Variants in HAS3 observed in about 807,000 individuals in gnomAD.
HAS3 encodes HA synthase 3.
A neutral mutation model predicts 50.3 loss-of-function variants in HAS3; 27 were observed. The observed-to-expected ratio is 0.54, with a 90% confidence interval of 0.40 to 0.74. The LOEUF is 0.74. HAS3 is among the 30% of genes least tolerant of loss of function. The probability of loss-of-function intolerance (pLI) is 0.00; values close to 1 mark genes in which losing one functional copy is unlikely to be tolerated. For synonymous variants in HAS3, 339 were observed against 310.9 expected, an observed-to-expected ratio of 1.09 and a Z score of -0.95; for missense variants, 517 against 742.8, an observed-to-expected ratio of 0.70 and a Z score of 3.53.
the HAS3 span, among the ~76,000 whole-genome samples, chr16:69,086,021 C>T: frequency 6.7e-6 from 1 of 149,574 alleles, no homozygotes; most frequent in African/African-American, 2.5e-5. Context: ...GTGTGCACCA[C>T]CATGCCTGGC....
chr16:69,087,656 C>T, the HAS3 span, among the ~76,000 whole-genome samples: 18 of 150,698 alleles, frequency 1.2e-4, no homozygotes, highest in Admixed American at 1.1e-3. Context: ...CCTTGGCCTC[C>T]CAAAGTGCTG....
At chr16:69,097,311 C>T in the HAS3 span, among the ~76,000 whole-genome samples, 1 of 151,874 alleles carries the variant, frequency 6.6e-6, no homozygotes, top group East Asian at 1.9e-4. Flanking sequence ...CCCGTCTCTA[C>T]TAAAAATACA....
At chr16:69,104,459 G>A (rs1303331574), upstream of HAS3, among the ~76,000 whole-genome samples, 1 of 151,956 alleles carries the variant, frequency 6.6e-6, no homozygotes, top group East Asian at 1.9e-4. Flanking sequence ...ACCATGCCTG[G>A]CTAATTTTTG....
At chr16:69,083,802 T>A in the HAS3 span, 5 of 905,902 alleles carry the variant, frequency 5.5e-6, no homozygotes, top group Non-Finnish European at 8.1e-6. Context: ...TGCAGGTCAC[T>A]TGGGTCTTCA....
At chr16:69,089,054 A>G in the HAS3 span, among the ~76,000 whole-genome samples, 1 of 151,974 alleles carries the variant, frequency 6.6e-6, no homozygotes, top group Non-Finnish European at 1.5e-5. Context: ...CTGTTGTTTC[A>G]GCTCCTCTTC....
chr16:69,114,343 A>C lies in HAS3; in HGVS notation c.739A>C (p.Ile247Leu). 1 of 1,593,138 alleles carries C rather than the reference A, an allele frequency of 6.3e-7. No individual in the cohort carries two copies. Among genetic ancestry groups the C allele is most frequent in the Non-Finnish European group, 8.5e-7 (1 of 1,174,058 alleles). The change falls in exon 4 of 4, where the codon ATC becomes CTC. Residue 247 changes from isoleucine (I) to leucine (L), a missense_variant and splice_region_variant. Ile to Leu is a conservative substitution (Grantham distance 5). Coordinates refer to ENST00000569188, the MANE Select transcript of HAS3 (RefSeq NM_001199280.2). This position sits in a 1 kb window ranked among gnomAD's most constrained non-coding sequence, Gnocchi z 6.4. ...GCCCAGCATCTCTATTCCCTTGCAG[A>C]TCCTCAACAAGTACGACTCATGGAT... is the stretch of plus-strand genomic sequence containing the variant. ...QVGGVGGDVQ[I>L]LNKYDSWISF... is the part of the protein sequence containing the mutation.
chr16:69,085,152 T>TA, the HAS3 span: 2 of 152,348 alleles, frequency 1.3e-5, no homozygotes, highest in Non-Finnish European at 2.9e-5. Context: ...GGATGTACAA[T>TA]AAAAATGCTT....
At chr16:69,112,878 T>C (rs1447094217) in intron 2 of HAS3, among the ~76,000 whole-genome samples, 3 of 152,212 alleles carry the variant, frequency 2.0e-5, no homozygotes, top group Non-Finnish European at 4.4e-5. Flanking sequence ...TACCGTGCCC[T>C]GGTCCGAGAG....
At chr16:69,108,260 CG>C (rs1352496551) in intron 1 of HAS3, among the ~76,000 whole-genome samples, 1 of 152,084 alleles carries the variant, frequency 6.6e-6, no homozygotes. Flanking sequence ...GGTAGCTCTT[CG>C]GGGCCGGAAG....
chr16:69,087,149 G>A, the HAS3 span, among the ~76,000 whole-genome samples: 1 of 152,096 alleles, frequency 6.6e-6, no homozygotes, highest in Non-Finnish European at 1.5e-5. Flanking sequence ...AGATTCCTCT[G>A]TGGCACTCAC....
intron 2 of HAS3, among the ~76,000 whole-genome samples, chr16:69,112,101 G>C (rs188024043): frequency 1.8e-4 from 27 of 152,238 alleles, no homozygotes; most frequent in Non-Finnish European, 3.5e-4. Context: ...CAGGCAGCAC[G>C]AGAGCTCTTC....
the HAS3 span, among the ~76,000 whole-genome samples, chr16:69,099,095 T>A: frequency 6.8e-6 from 1 of 146,900 alleles, no homozygotes; most frequent in Non-Finnish European, 1.5e-5. Context: ...CTCAGCCTCC[T>A]GAGTAGCTGG....
the HAS3 span, among the ~76,000 whole-genome samples, chr16:69,091,134 T>A: frequency 6.6e-6 from 1 of 152,216 alleles, no homozygotes; most frequent in African/African-American, 2.4e-5. Flanking sequence ...CTGCCCAAGA[T>A]TACCACTGAC....
chr16:69,113,599 A>C (rs1050404059), intron 3 of HAS3, 57 bp downstream of exon 3: 2 of 1,015,902 alleles, frequency 2.0e-6, no homozygotes, highest in African/African-American at 3.2e-5. Flanking sequence ...TTCCTAATCC[A>C]ATTGGATATG....
At chr16:69,101,513 T>G (rs973670844), upstream of HAS3, among the ~76,000 whole-genome samples, 4 of 152,160 alleles carry the variant, frequency 2.6e-5, no homozygotes, top group African/African-American at 9.7e-5. Flanking sequence ...TTGGTCAGGC[T>G]GGTGGAACTT....
chr16:69,114,308 A>G lies in HAS3; in HGVS notation c.739-35A>G, dbSNP rs1961106844. ...CTGATGTCTGTCCTCCGGACGTGCA[A>G]CCTTAGGAGGCCCAGCATCTCTATT... On this transcript the variant is annotated intron_variant, in intron 3 of 3. Transcript: ENST00000569188. The surrounding 1 kb of genome is among the most constrained non-coding windows in gnomAD (Gnocchi z 6.4). The G allele has an allele frequency of 1.7e-5, 27 of 1,556,212 alleles. No homozygotes were observed. The highest frequency in any genetic ancestry group is 2.3e-5 in the Non-Finnish European group (27 of 1,156,040).
chr16:69,103,545 G>A (rs1333376511), upstream of HAS3, among the ~76,000 whole-genome samples: 2 of 151,886 alleles, frequency 1.3e-5, no homozygotes, highest in African/African-American at 2.4e-5. Flanking sequence ...ACAGGCGCCT[G>A]CCACCACACC....
downstream of HAS3, chr16:69,118,476 T>C (rs1396672486): frequency 6.7e-7 from 1 of 1,491,432 alleles, no homozygotes; most frequent in Non-Finnish European, 9.4e-7. Context: ...GATTCTCCAA[T>C]GGTGAGCAGG....
At chr16:69,086,538 G>GTGTT in the HAS3 span, among the ~76,000 whole-genome samples, 10 of 151,814 alleles carry the variant, frequency 6.6e-5, no homozygotes, top group East Asian at 1.9e-3. Context: ...GTGTGTGTGT[G>GTGTT]TGTGTGTGTG....
Sources: gnomAD v4.1 joint callset for allele counts (sites outside exome capture counted in the v4.1 genomes callset) on GRCh38, gnomAD v4.1.1 for gene constraint, Gnocchi (gnomAD v3.1) non-coding constraint, MANE v1.5 for transcripts, NCBI Gene and HGNC (gene_info 2026-07-23, HGNC 2026-07-21) for gene names.